The following CFAP52 variants were observed in gnomAD, a reference collection of about 807,000 sequenced individuals.
CFAP52 encodes the protein cilia and flagella associated protein 52.
A neutral mutation model predicts 70.5 loss-of-function variants in CFAP52; 57 were observed. The observed-to-expected ratio is 0.81, with a 90% confidence interval of 0.65 to 1.01. The LOEUF (loss-of-function observed/expected upper bound fraction) is 1.01. CFAP52 is among the 50% of genes least tolerant of loss of function. CFAP52 has a pLI of 0.00. For synonymous variants in CFAP52, 267 were observed against 292.5 expected (o/e 0.91, Z 0.89); for missense variants, 785 against 788.5 (o/e 1.00, Z 0.05).
chr17:9,585,789 T>G lies in CFAP52; in HGVS notation c.87T>G (p.Gly29=), dbSNP rs768901707. ...VIGFNGHVPT[G]LKCHPDQEHM... ...CTCTTTTAGGACATGTGCCCACTGG[T>G]CTCAAATGCCATCCTGACCAGGAGC... Residue 29 remains glycine (G), a synonymous_variant, in exon 2 of 14, where the codon GGT becomes GGG. Coordinates refer to ENST00000352665, the MANE Select transcript of CFAP52 (RefSeq NM_145054.5). 21 of 1,614,046 alleles carry G rather than the reference T, an allele frequency of 1.3e-5. No individual in the cohort carries two copies. In the Admixed American group the frequency reaches 3.5e-4, roughly 27 times the overall value.
chr17:9,609,932 C>G (rs926484189), intron 7 of CFAP52, among the ~76,000 whole-genome samples: 1 of 151,826 alleles, frequency 6.6e-6, no homozygotes, highest in Non-Finnish European at 1.5e-5. Flanking sequence ...TCATCAGGAG[C>G]CTGGTGCCTG....
At chr17:9,586,308 A>C (rs1908473230) in intron 2 of CFAP52, among the ~76,000 whole-genome samples, 1 of 152,140 alleles carries the variant, frequency 6.6e-6, no homozygotes, top group Non-Finnish European at 1.5e-5. Flanking sequence ...TCATGCCTGT[A>C]ATCCCAGCAC....
chr17:9,602,778 T>A (rs1567626244), intron 6 of CFAP52, among the ~76,000 whole-genome samples: 2 of 152,300 alleles, frequency 1.3e-5, no homozygotes, highest in East Asian at 1.9e-4. Context: ...CCAGCATCTG[T>A]TGTTTCCTGA....
intron 8 of CFAP52, among the ~76,000 whole-genome samples, chr17:9,622,552 A>AAG (rs113311384): frequency 2.1e-3 from 323 of 151,470 alleles, no homozygotes; most frequent in African/African-American, 7.5e-3. Context: ...ATTAAAAAAA[A>AAG]AAGAAGAAGA....
intron 1 of CFAP52, among the ~76,000 whole-genome samples, chr17:9,585,504 T>A (rs1391803301): frequency 3.3e-5 from 5 of 151,944 alleles, no homozygotes; most frequent in African/African-American, 1.2e-4. Flanking sequence ...CCGTCTCTAC[T>A]AAAAATACAA....
At chr17:9,598,618 A>C (rs753441871) in intron 5 of CFAP52, 15 of 206,760 alleles carry the variant, frequency 7.3e-5, no homozygotes, top group Non-Finnish European at 1.2e-4. Flanking sequence ...ACAAGTAGCC[A>C]GGTGTGGTGG....
rs535608780 is a variant in CFAP52 at position 9,586,470 on chromosome 17, G to A, written c.271-228G>A. 2.6e-5 allele frequency among the ~76,000 whole-genome samples: 4 copies of A among 151,410 alleles called. No homozygotes were observed. The East Asian group carries it at 7.8e-4, about 29-fold the overall frequency. On this transcript the variant is annotated intron_variant, in intron 2 of 13. Transcript: ENST00000352665. ...CCCAGCTACTCGGGAGGCTGAGACA[G>A]GGAGAAGTGCTTGAACCCAGGAGGT...
intron 1 of CFAP52, among the ~76,000 whole-genome samples, chr17:9,577,536 A>G (rs1005056323): frequency 6.6e-6 from 1 of 152,234 alleles, no homozygotes; most frequent in Non-Finnish European, 1.5e-5. Context: ...AAACTTTTCA[A>G]AAATGTGTGT....
intron 8 of CFAP52, among the ~76,000 whole-genome samples, chr17:9,614,965 C>T (rs547346116): frequency 6.6e-6 from 1 of 152,290 alleles, no homozygotes; most frequent in South Asian, 2.1e-4. Flanking sequence ...ACTATTAGCA[C>T]AGTTAGAAAG....
chr17:9,612,214 A>G lies in CFAP52; in HGVS notation c.855-95A>G, dbSNP rs550783992. ...CTTCTGTGAGGGCGTGTCTGAAATT[A>G]TATGCCTGATTTGTATCCTCTGCCA... On this transcript the variant is annotated intron_variant, in intron 7 of 13. Coordinates refer to ENST00000352665, the MANE Select transcript of CFAP52 (RefSeq NM_145054.5). 7.3e-5 allele frequency: 107 copies of G among 1,459,768 alleles called. No homozygotes were observed. In the African/African-American group the frequency reaches 1.4e-3, roughly 18 times the overall value. 90.4% of individuals were successfully genotyped at this position (1,459,768 alleles called of 1,614,324 possible).
chr17:9,597,831 A>AGAGAGAGAGAGAG (rs57688684), intron 4 of CFAP52, among the ~76,000 whole-genome samples: 3 of 131,782 alleles, frequency 2.3e-5, no homozygotes, highest in South Asian at 2.5e-4. Flanking sequence ...GAGAGAGAGA[A>AGAGAGAGAGAGAG]AGAGAGAAAG....
chr17:9,626,976 G>A (rs957154434), intron 8 of CFAP52, among the ~76,000 whole-genome samples: 1 of 152,120 alleles, frequency 6.6e-6, no homozygotes, highest in Non-Finnish European at 1.5e-5. Flanking sequence ...AATCTCCACA[G>A]AGACAAGCTA....
intron 3 of CFAP52, among the ~76,000 whole-genome samples, chr17:9,592,326 C>T (rs1455407935): frequency 2.0e-5 from 3 of 151,782 alleles, no homozygotes; most frequent in Non-Finnish European, 2.9e-5. Flanking sequence ...ATTAGCTGGG[C>T]GTGGTGGTGG....
rs774972360 is a variant in CFAP52 at position 9,594,180 on chromosome 17, C to CT, written c.408-11dup. The CT allele has an allele frequency of 6.5e-7, 1 of 1,548,910 alleles. No individual in the cohort carries two copies. Reference sequence around the variant, plus strand: ...CTTTGACTTTTTTTTTTTGGTCCCTCTTATTTTGGCAGTGTGGTGGTGTGG... The same window carrying CT: ...CTTTGACTTTTTTTTTTTGGTCCCTCTTTATTTTGGCAGTGTGGTGGTGTGG... On this transcript the variant is annotated splice_polypyrimidine_tract_variant and intron_variant, in intron 3 of 13. Coordinates refer to ENST00000352665, the MANE Select transcript of CFAP52 (RefSeq NM_145054.5).
intron 12 of CFAP52, chr17:9,639,123 C>T: frequency 1.9e-5 from 3 of 159,964 alleles, no homozygotes; most frequent in Admixed American, 6.2e-5. Flanking sequence ...TGTACTTCAT[C>T]AATACATTAA....
chr17:9,585,532 G>A (rs535015344), intron 1 of CFAP52, among the ~76,000 whole-genome samples: 6 of 152,210 alleles, frequency 3.9e-5, no homozygotes, highest in Admixed American at 2.6e-4. Flanking sequence ...TTAGCCAGGT[G>A]TGGTGGCGGG....
intron 8 of CFAP52, among the ~76,000 whole-genome samples, chr17:9,613,179 T>C (rs1053852566): frequency 6.6e-6 from 1 of 151,442 alleles, no homozygotes; most frequent in Non-Finnish European, 1.5e-5. Context: ...CCTCTTGAGG[T>C]CTTCTAGATT....
At chr17:9,584,200 T>C (rs1264220043) in intron 1 of CFAP52, 1 of 1,235,024 alleles carries the variant, frequency 8.1e-7, no homozygotes, top group Admixed American at 3.1e-5. Context: ...CTCCTGAAAC[T>C]GTTTTTAGTG....
At chr17:9,579,630 C>G (rs949895077) in intron 1 of CFAP52, among the ~76,000 whole-genome samples, 1 of 152,168 alleles carries the variant, frequency 6.6e-6, no homozygotes, top group South Asian at 2.1e-4. Flanking sequence ...TGCAGTGGTG[C>G]GATCTCAGCT....
Sources: allele counts gnomAD v4.1 joint callset (sites outside exome capture counted in the v4.1 genomes callset), GRCh38; gene constraint gnomAD v4.1.1; transcripts MANE v1.5; gene names NCBI Gene and HGNC (gene_info 2026-07-23, HGNC 2026-07-21).